Variants in ADAMTS4 observed in about 807,000 individuals in gnomAD.
The protein encoded by ADAMTS4 is A disintegrin and metalloproteinase with thrombospondin motifs 4.
In ADAMTS4, 38 loss-of-function variants were observed where a neutral mutation model predicts 66.7. That is an observed-to-expected ratio of 0.57 (90% CI 0.44 to 0.75). The LOEUF is 0.75. Among genes scored for constraint, ADAMTS4 ranks in the 30% least tolerant of loss-of-function variants. ADAMTS4 has a pLI of 0.00. For missense variants in ADAMTS4, 1,014 were observed against 1,116.7 expected (o/e 0.91, Z 1.31); for synonymous variants, 418 against 461.5 (o/e 0.91, Z 1.21).
chr1:161,193,551 A>G lies in ADAMTS4; in HGVS notation c.1735+89T>C. On this transcript the variant is annotated intron_variant, in intron 6 of 8. Transcript: ENST00000367996. This position sits in a 1 kb window ranked among gnomAD's most constrained non-coding sequence, Gnocchi z 4.4. ...AGGCACTCCCCACAGCAGCAGGGGA[A>G]TCAACACCCCCTTGGTCTTGCACTC... The G allele has an allele frequency of 6.6e-7, 1 of 1,524,544 alleles. No individual in the cohort carries two copies. Among genetic ancestry groups the G allele is most frequent in the Non-Finnish European group, 8.9e-7 (1 of 1,128,962 alleles). The allele number at this position is 1,524,544 out of a possible 1,614,324, so 94.4% of individuals were successfully genotyped here.
Position 161,195,550 on chromosome 1 carries a change from G to A in ADAMTS4, c.1176C>T (p.Ala392=). 1 of 1,614,002 alleles carries A rather than the reference G, an allele frequency of 6.2e-7. No individual in the cohort carries two copies. The highest frequency in any genetic ancestry group is 8.5e-7 in the Non-Finnish European group (1 of 1,179,948). The change falls in exon 4 of 9, where the codon GCC becomes GCT. Residue 392 remains alanine (A), a synonymous_variant. Coordinates refer to ENST00000367996, the MANE Select transcript of ADAMTS4 (RefSeq NM_005099.6). ...GPLSTSRHVM[A]PVMAHVDPEE... is the part of the protein sequence containing the mutation. ...CAGGATCCACATGAGCCATCACAGGGGCCATGACATGGCGAGAGGTGCTCA... is the reference window on the plus strand; with the variant it reads ...CAGGATCCACATGAGCCATCACAGGAGCCATGACATGGCGAGAGGTGCTCA...
chr1:161,196,659 A>G lies in ADAMTS4; in HGVS notation c.855T>C (p.Ala285=), dbSNP rs114044067. ...GEEGPQVGPS[A]AQTLRSFCAW... The stretch of plus-strand genomic sequence containing the variant: ...CACAGAAGCTGCGCAGGGTCTGGGC[A>G]GCACTGGGCCCCACTTGGGGCCCCT... The change falls in exon 2 of 9, where the codon GCT becomes GCC. Residue 285 remains alanine (A), a synonymous_variant. Coordinates refer to ENST00000367996, the MANE Select transcript of ADAMTS4 (RefSeq NM_005099.6). 148 of 1,614,160 alleles carry G rather than the reference A, an allele frequency of 9.2e-5. No individual in the cohort carries two copies. The highest frequency in any genetic ancestry group is 1.2e-4 in the Non-Finnish European group (145 of 1,180,014).
intron 7 of ADAMTS4, among the ~76,000 whole-genome samples, chr1:161,192,638 A>G (rs1664710415): frequency 6.6e-6 from 1 of 152,174 alleles, no homozygotes; most frequent in Non-Finnish European, 1.5e-5. Flanking sequence ...GTCTGGTCCC[A>G]GCACCAAGCC....
At chr1:161,197,360 G>A (rs1177925186) in intron 1 of ADAMTS4, 1 of 162,454 alleles carries the variant, frequency 6.2e-6, no homozygotes, top group East Asian at 1.9e-4. Flanking sequence ...CTGGATTAAA[G>A]CTAGAGAGGG....
At position 161,196,716 on chromosome 1, in the gene ADAMTS4, C is replaced by T. The variant is rs746984922; in HGVS notation, c.798G>A (p.Val266=). Residue 266 remains valine, a synonymous_variant, in exon 2 of 9, where the codon GTG becomes GTA. Coordinates refer to ENST00000367996, the MANE Select transcript of ADAMTS4 (RefSeq NM_005099.6). Reference sequence around the variant, plus strand: ...CTGACCCCAGGATCACTAGCCGAGTCACCACCAAGCTGACAGGATTGCGGA... The same window carrying T: ...CTGACCCCAGGATCACTAGCCGAGTTACCACCAAGCTGACAGGATTGCGGA... ...PSIRNPVSLV[V]TRLVILGSGE... is the part of the protein sequence containing the mutation. 6 of 1,613,964 alleles carry T rather than the reference C, an allele frequency of 3.7e-6. No homozygotes were observed. In the Admixed American group the frequency reaches 6.7e-5, roughly 18 times the overall value.
chr1:161,194,042 T>C lies in ADAMTS4; in HGVS notation c.1441A>G (p.Met481Val). Residue 481 changes from methionine (M) to valine (V), a missense_variant, in exon 5 of 9, where the codon ATG becomes GTG. Met to Val is a conservative substitution (Grantham distance 21). Coordinates refer to ENST00000367996, the MANE Select transcript of ADAMTS4 (RefSeq NM_005099.6). This position sits in a 1 kb window ranked among gnomAD's most constrained non-coding sequence, Gnocchi z 4.1. ...CAGGGCGAGTGTTTGGTCTGGCACA[T>C]GGCATGGCCATTGAGGTGGCCAGAG... ...WCSGHLNGHA[M>V]CQTKHSPWAD... 1 of 1,614,118 alleles carries C rather than the reference T, an allele frequency of 6.2e-7. No homozygotes were observed.
chr1:161,191,586 G>C (rs1664684692), intron 8 of ADAMTS4, 22 bp from the exon 9 acceptor site: 2 of 1,583,666 alleles, frequency 1.3e-6, no homozygotes, highest in South Asian at 2.3e-5. Context: ...GAGTAGATGG[G>C]GAGCTCAGGA....
chr1:161,192,289 G>A, intron 7 of ADAMTS4, 49 bp from the exon 8 acceptor site: 4 of 1,574,124 alleles, frequency 2.5e-6, no homozygotes, highest in Non-Finnish European at 3.5e-6. Context: ...TAAGTCAAAA[G>A]GGGTTGGTAA....
intron 2 of ADAMTS4, 54 bp from the exon 3 acceptor site, chr1:161,196,357 T>C (rs1423609772): frequency 1.3e-6 from 2 of 1,554,676 alleles, no homozygotes; most frequent in African/African-American, 2.7e-5. Flanking sequence ...CTGGGTCCAT[T>C]GGGTTGAGAT....
chr1:161,197,914 G>C (rs1664921477), intron 1 of ADAMTS4, 81 bp downstream of exon 1: 1 of 1,504,268 alleles, frequency 6.6e-7, no homozygotes, highest in Non-Finnish European at 8.9e-7. Context: ...AGTGTAAGTG[G>C]GTGGAGAGAG....
Position 161,188,231 on chromosome 1 carries a change from CTTTTTTTTTTTT to C in ADAMTS4, c.*2895_*2906del, listed in dbSNP as rs34044235. ...CAGGTGTGAGCCACCATGCCTGGCC[CTTTTTTTTTTTT>C]TTTTTTTTTTTTTGAGTTGGTGTTT... On this transcript the variant is annotated 3_prime_UTR_variant, in exon 9 of 9. Transcript: ENST00000367996. 3 of 58,682 alleles carry C rather than the reference CTTTTTTTTTTTT, an allele frequency of 5.1e-5. No homozygotes were observed. The highest frequency in any genetic ancestry group is 6.9e-4 in the South Asian group (1 of 1,444). 3.6% of individuals were successfully genotyped at this position (58,682 alleles called of 1,614,324 possible).
rs890446139 is a variant in ADAMTS4, at chr1:161,186,149, A to T, written c.*4989T>A. 2.0e-5 allele frequency: 3 copies of T among 152,144 alleles called. No individual in the cohort carries two copies. Among genetic ancestry groups the T allele is most frequent in the Non-Finnish European group, 4.4e-5 (3 of 68,030 alleles). 9.4% of individuals were successfully genotyped at this position (152,144 alleles called of 1,614,324 possible). On this transcript the variant is annotated 3_prime_UTR_variant, in exon 9 of 9. Transcript: ENST00000367996. ...TATTACTGTTTCTGTTCCTCCTTAT[A>T]TATCTACACCCCAGCTCAGGCCCAC... is the stretch of plus-strand genomic sequence containing the variant.
In ADAMTS4 at chr1:161,193,623, TC is replaced by T; in HGVS notation, c.1735+16del. 1 of 1,595,090 alleles carries T rather than the reference TC, an allele frequency of 6.3e-7. No homozygotes were observed. Among genetic ancestry groups the T allele is most frequent in the South Asian group, 1.1e-5 (1 of 88,162 alleles). On this transcript the variant is annotated intron_variant, in intron 6 of 8. Coordinates refer to ENST00000367996, the MANE Select transcript of ADAMTS4 (RefSeq NM_005099.6). This position sits in a 1 kb window ranked among gnomAD's most constrained non-coding sequence, Gnocchi z 4.4. ...TACTGTCCCCTCCCAAGGGCTCCCA[TC>T]CCCCCTACTCCTCACCTGAGCCAGT...
rs745957886 is a variant in ADAMTS4, at chr1:161,198,236, G to A, written c.392C>T (p.Thr131Ile). ...GAEPGTYLTG[T>I]INGDPESVAS... ...CACCGACTCCGGATCTCCATTGATG[G>A]TGCCAGTCAGGTAGGTGCCAGGCTC... Residue 131 changes from threonine (T) to isoleucine (I), a missense_variant, in exon 1 of 9, where the codon ACC (threonine) becomes ATC (isoleucine). Thr to Ile is a moderately conservative substitution (Grantham distance 89, BLOSUM62 -1). Transcript: ENST00000367996. This position sits in a 1 kb window ranked among gnomAD's most constrained non-coding sequence, Gnocchi z 4.7. The A allele has an allele frequency of 1.2e-6, 2 of 1,614,048 alleles. No homozygotes were observed. The highest frequency in any genetic ancestry group is 8.5e-7 in the Non-Finnish European group (1 of 1,179,972).
At chr1:161,195,748 C>T in intron 3 of ADAMTS4, 113 bp from the exon 4 acceptor site, 2 of 1,058,892 alleles carry the variant, frequency 1.9e-6, no homozygotes, top group South Asian at 1.6e-5. Flanking sequence ...CCCACCTCAC[C>T]CTGCCCCCAG....
intron 3 of ADAMTS4, 154 bp from the exon 4 acceptor site, chr1:161,195,789 C>T: frequency 1.5e-6 from 1 of 681,070 alleles, no homozygotes. Context: ...TCAGGGCTCC[C>T]AGTATGTAGC....
rs1664602135 is a variant in ADAMTS4 at position 161,189,043 on chromosome 1, G to A, written c.*2095C>T. 1 of 151,390 alleles carries A rather than the reference G, an allele frequency of 6.6e-6. No individual in the cohort carries two copies. Among genetic ancestry groups the A allele is most frequent in the Non-Finnish European group, 1.5e-5 (1 of 67,856 alleles). The allele number at this position is 151,390 out of a possible 1,614,324, so 9.4% of individuals were successfully genotyped here. On this transcript the variant is annotated 3_prime_UTR_variant, in exon 9 of 9. Transcript: ENST00000367996. ...CAGGCATGAGCCACCGTGCCCGATT[G>A]TTTTTGTTTTATGAAATTTTATTCT...
At chr1:161,195,736 T>C in intron 3 of ADAMTS4, 101 bp from the exon 4 acceptor site, 1 of 1,179,190 alleles carries the variant, frequency 8.5e-7, no homozygotes, top group South Asian at 1.5e-5. Context: ...TCAGATCCAT[T>C]ACCCACCTCA....
chr1:161,198,608 T>C lies in ADAMTS4; in HGVS notation c.20A>G (p.His7Arg), dbSNP rs561757420. The C allele has an allele frequency of 1.4e-4, 222 of 1,531,810 alleles. No individual in the cohort carries two copies. Among genetic ancestry groups the C allele is most frequent in the Non-Finnish European group, 1.7e-4 (198 of 1,136,708 alleles). 94.9% of individuals were successfully genotyped at this position (1,531,810 alleles called of 1,614,324 possible). Residue 7 changes from histidine to arginine, a missense_variant, in exon 1 of 9, where the codon CAT (histidine) becomes CGT (arginine). Transcript: ENST00000367996. This position sits in a 1 kb window ranked among gnomAD's most constrained non-coding sequence, Gnocchi z 4.7. MSQTGS[H>R]PGRGLAGRWL... Reference sequence around the variant, plus strand: ...GCGCCCTGCCAAGCCCCTCCCGGGATGCGAGCCTGTCTGGGACATGGCACT... The same window carrying C: ...GCGCCCTGCCAAGCCCCTCCCGGGACGCGAGCCTGTCTGGGACATGGCACT...
Sources: allele counts gnomAD v4.1 joint callset (sites outside exome capture counted in the v4.1 genomes callset), GRCh38; gene constraint gnomAD v4.1.1; non-coding constraint Gnocchi (gnomAD v3.1); transcripts MANE v1.5; gene names NCBI Gene and HGNC (gene_info 2026-07-23, HGNC 2026-07-21).